Variants in COL24A1 observed in about 807,000 individuals in gnomAD.
COL24A1 encodes collagen alpha-1(XXIV) chain.
Under a neutral mutation model 253.9 loss-of-function variants are expected in COL24A1, and 224 were observed. The observed-to-expected ratio is 0.88, with a 90% CI of 0.79 to 0.99. The LOEUF is 0.99. Ranked by LOEUF, COL24A1 falls within the 50% of genes least tolerant of loss-of-function variation. The pLI, the probability that COL24A1 is intolerant of heterozygous loss-of-function variation, is 0.00. For missense variants in COL24A1, 2,131 were observed against 2,068.5 expected (o/e 1.03, Z -0.59); for synonymous variants, 685 against 673.7 (o/e 1.02, Z -0.26).
Position 85,730,643 on chromosome 1 carries a change from T to C in COL24A1, c.5048A>G (p.Glu1683Gly), listed in dbSNP as rs1287428417. The C allele has an allele frequency of 6.2e-7, 1 of 1,614,060 alleles. No individual in the cohort carries two copies. The highest frequency in any genetic ancestry group is 8.5e-7 in the Non-Finnish European group (1 of 1,179,920). ...TTCAATCACTGGAAGTTGATTAGGT[T>C]CCTGGGTGTGAAAAAGAAATGTTGC... ...HKATFLFHTQ[E>G]PNQLPVIEVQ... The change falls in exon 60 of 60, where the codon GAA becomes GGA. Residue 1683 changes from glutamate (E) to glycine (G), a missense_variant. Transcript: ENST00000370571.
At chr1:85,827,175 T>C (rs1674474440) in intron 43 of COL24A1, among the ~76,000 whole-genome samples, 1 of 151,698 alleles carries the variant, frequency 6.6e-6, no homozygotes, top group Non-Finnish European at 1.5e-5. Flanking sequence ...CTGCATCTAT[T>C]GAGATAATCA....
At position 85,737,525 on chromosome 1, in the gene COL24A1, C is replaced by CATAAAGTTAAAGTT; in HGVS notation, c.4673-34_4673-21dup. On this transcript the variant is annotated intron_variant, in intron 57 of 59. Coordinates refer to ENST00000370571, the MANE Select transcript of COL24A1 (RefSeq NM_152890.7). ...ATTTTCCTAATAATTTATAGTAAAA[C>CATAAAGTTAAAGTT]ATAAAGTTAAAGTTATTAAATGCCA... is the stretch of plus-strand genomic sequence containing the variant. 1 of 1,473,184 alleles carries CATAAAGTTAAAGTT rather than the reference C, an allele frequency of 6.8e-7. No homozygotes were observed. The highest frequency in any genetic ancestry group is 9.4e-7 in the Non-Finnish European group (1 of 1,067,856). 91.3% of individuals were successfully genotyped at this position (1,473,184 alleles called of 1,614,324 possible). A position where few individuals can be genotyped will look rare whatever the true frequency, so the allele number is the denominator to read the frequency against.
intron 31 of COL24A1, among the ~76,000 whole-genome samples, chr1:85,893,136 T>G (rs1212944853): frequency 1.3e-5 from 2 of 151,846 alleles, no homozygotes; most frequent in Non-Finnish European, 2.9e-5. Flanking sequence ...CACAGATAGG[T>G]TGAAAGTAAA....
Position 85,928,022 on chromosome 1 carries a change from C to T in COL24A1, c.2563-16589G>A, listed in dbSNP as rs1471690581. ...AAACTGGAAACTCTAAAACGCAGAG[C>T]GCCTCTCCTCCTCCAAAGGAACGCA... On this transcript the variant is annotated intron_variant, in intron 24 of 59. Transcript: ENST00000370571. 4.8e-3 allele frequency among the ~76,000 whole-genome samples: 195 copies of T among 40,758 alleles called. 1 individual carries two copies. The highest frequency in any genetic ancestry group is 8.4e-3 in the African/African-American group (79 of 9,446). 26.7% of individuals were successfully genotyped at this position (40,758 alleles called of 152,430 possible).
At chr1:85,901,475 C>T (rs989813209) in intron 28 of COL24A1, among the ~76,000 whole-genome samples, 4 of 151,956 alleles carry the variant, frequency 2.6e-5, no homozygotes, top group Non-Finnish European at 4.4e-5. Flanking sequence ...ATTACTAATT[C>T]CATAGCCACT....
intron 13 of COL24A1, 110 bp downstream of exon 13, chr1:86,033,760 G>A: frequency 6.0e-6 from 6 of 996,406 alleles, no homozygotes; most frequent in Non-Finnish European, 8.8e-6. Flanking sequence ...TGTGGAGATT[G>A]TTTTTCCAAT....
At chr1:85,866,412 T>A (rs1461930947) in intron 37 of COL24A1, among the ~76,000 whole-genome samples, 2 of 152,188 alleles carry the variant, frequency 1.3e-5, no homozygotes, top group Admixed American at 6.5e-5. Context: ...CTATAGGTTA[T>A]TGGGAGGATT....
chr1:85,986,056 T>G (rs1693695493), intron 20 of COL24A1, among the ~76,000 whole-genome samples: 1 of 151,884 alleles, frequency 6.6e-6, no homozygotes, highest in South Asian at 2.1e-4. Context: ...TAGGTTCAAG[T>G]GCTATCTTCC....
At chr1:85,881,646 GA>G (rs1681858210) in intron 32 of COL24A1, among the ~76,000 whole-genome samples, 2 of 151,944 alleles carry the variant, frequency 1.3e-5, no homozygotes, top group South Asian at 4.2e-4. Context: ...AAAAATTTGT[GA>G]AAATAGAATT....
At chr1:85,826,286 C>T (rs1339937972) in intron 43 of COL24A1, among the ~76,000 whole-genome samples, 1 of 147,520 alleles carries the variant, frequency 6.8e-6, no homozygotes, top group Non-Finnish European at 1.5e-5. Flanking sequence ...TGATCTATAT[C>T]TCTGTTTTGG....
At chr1:85,914,123 A>AT (rs1403965429) in intron 24 of COL24A1, among the ~76,000 whole-genome samples, 1 of 152,184 alleles carries the variant, frequency 6.6e-6, no homozygotes, top group Admixed American at 6.5e-5. Flanking sequence ...GGATAAAAAC[A>AT]TTCAGTTCAT....
At chr1:86,078,230 G>T (rs558099888) in intron 7 of COL24A1, among the ~76,000 whole-genome samples, 1 of 152,124 alleles carries the variant, frequency 6.6e-6, no homozygotes, top group Non-Finnish European at 1.5e-5. Context: ...TGCTGAAAAG[G>T]CATTTGATAA....
chr1:85,812,477 A>G (rs1672646375), intron 47 of COL24A1, among the ~76,000 whole-genome samples: 1 of 152,200 alleles, frequency 6.6e-6, no homozygotes, highest in Admixed American at 6.5e-5. Flanking sequence ...TCCAGTAGGT[A>G]GAACTTGAGG....
At chr1:85,761,502 T>C (rs1666844535) in intron 54 of COL24A1, 29 bp downstream of exon 54, 6 of 1,613,974 alleles carry the variant, frequency 3.7e-6, no homozygotes, top group African/African-American at 2.7e-5. Context: ...GCATCAATGG[T>C]AAACAGATAT....
At position 86,022,922 on chromosome 1, in the gene COL24A1, G is replaced by A. The variant is rs149329527; in HGVS notation, c.2103+32C>T. 3,259 of 1,612,444 alleles carry A rather than the reference G, an allele frequency of 2.0e-3. 69 individuals carry two copies. In the African/African-American group the frequency reaches 0.039, roughly 19 times the overall value. On this transcript the variant is annotated intron_variant, in intron 15 of 59. Coordinates refer to ENST00000370571, the MANE Select transcript of COL24A1 (RefSeq NM_152890.7). ...TTTGTGATATCATAGACAGATTAAAGGGAAATATCCATTATACAAATAGAA... is the reference window on the plus strand; with the variant it reads ...TTTGTGATATCATAGACAGATTAAAAGGAAATATCCATTATACAAATAGAA...
At chr1:85,901,736 T>C (rs1330589330) in intron 28 of COL24A1, among the ~76,000 whole-genome samples, 2 of 135,948 alleles carry the variant, frequency 1.5e-5, no homozygotes, top group African/African-American at 5.6e-5. Flanking sequence ...TGCTTGAACC[T>C]GGGAGGCACA....
intron 37 of COL24A1, 40 bp from the exon 38 acceptor site, chr1:85,849,446 G>T: frequency 6.9e-7 from 1 of 1,442,966 alleles, no homozygotes; most frequent in Non-Finnish European, 9.7e-7. Context: ...AATGGTTAAA[G>T]AAAAGATGAG....
intron 2 of COL24A1, among the ~76,000 whole-genome samples, chr1:86,136,596 A>G (rs980946880): frequency 2.6e-5 from 4 of 152,082 alleles, no homozygotes; most frequent in African/African-American, 9.7e-5. Context: ...GCACAGAGAG[A>G]TTAAATAACT....
At chr1:86,129,094 T>G (rs1018029595) in intron 2 of COL24A1, among the ~76,000 whole-genome samples, 2 of 151,904 alleles carry the variant, frequency 1.3e-5, no homozygotes, top group African/African-American at 2.4e-5. Context: ...TGATAGTGCT[T>G]CATTCACTTT....
Sources: allele counts gnomAD v4.1 joint callset (sites outside exome capture counted in the v4.1 genomes callset), GRCh38; gene constraint gnomAD v4.1.1; transcripts MANE v1.5; gene names NCBI Gene and HGNC (gene_info 2026-07-23, HGNC 2026-07-21).